TK2: variants seen among roughly 807,000 people sequenced by gnomAD.
TK2 encodes the protein thymidine kinase 2.
In TK2, 35 loss-of-function variants were observed where a neutral mutation model predicts 41.9. The observed-to-expected ratio is 0.84, with a 90% confidence interval of 0.64 to 1.11. The LOEUF (loss-of-function observed/expected upper bound fraction) is 1.11, where lower values mean the gene tolerates loss of function less well. TK2 is among the 50% of genes least tolerant of loss of function. TK2 has a pLI of 0.00. For missense variants in TK2, 320 were observed against 351.1 expected (o/e 0.91, Z 0.71); for synonymous variants, 128 against 129.1 (o/e 0.99, Z 0.06).
At chr16:66,535,586 C>G (rs1387637391) in intron 4 of TK2, among the ~76,000 whole-genome samples, 1 of 152,126 alleles carries the variant, frequency 6.6e-6, no homozygotes, top group Non-Finnish European at 1.5e-5. Flanking sequence ...ATCCTTTCAC[C>G]TGCTTTAGTT....
chr16:66,549,612 A>C (rs1373337897), intron 1 of TK2: 1 of 1,146,796 alleles, frequency 8.7e-7, no homozygotes, highest in Non-Finnish European at 1.1e-6. Flanking sequence ...GGCAGCTCCC[A>C]GTCCCCATCG....
intron 2 of TK2, 66 bp downstream of exon 2, chr16:66,548,912 C>CT (rs1192694839): frequency 6.7e-7 from 1 of 1,500,388 alleles, no homozygotes; most frequent in Non-Finnish European, 9.2e-7. Context: ...TTTTACTCTG[C>CT]TTTTTTCTCT....
At chr16:66,527,875 C>A (rs978119486) in intron 6 of TK2, among the ~76,000 whole-genome samples, 8 of 151,452 alleles carry the variant, frequency 5.3e-5, no homozygotes, top group Non-Finnish European at 8.8e-5. Flanking sequence ...ACTAAAAATA[C>A]AAAAAAAATA....
chr16:66,549,759 C>A (rs778800786), intron 1 of TK2, 179 bp downstream of exon 1: 4 of 1,278,908 alleles, frequency 3.1e-6, no homozygotes, highest in Non-Finnish European at 3.9e-6. Flanking sequence ...CCCCAGCGCT[C>A]GCTGCGGTCT....
intron 2 of TK2, chr16:66,546,487 C>T (rs1176584916): frequency 6.6e-6 from 1 of 152,136 alleles, no homozygotes; most frequent in Non-Finnish European, 1.5e-5. Flanking sequence ...CTTGTTAACC[C>T]CACATCTATC....
intron 9 of TK2, 54 bp downstream of exon 9, chr16:66,513,677 G>C: frequency 6.5e-7 from 1 of 1,545,162 alleles, no homozygotes. Flanking sequence ...GACATTCCCC[G>C]GGTCACTCCT....
At chr16:66,515,203 C>T (rs543337684) in intron 8 of TK2, among the ~76,000 whole-genome samples, 36 of 151,824 alleles carry the variant, frequency 2.4e-4, no homozygotes, top group African/African-American at 8.7e-4. Flanking sequence ...CCACACCTGG[C>T]TTCTCCCATT....
intron 2 of TK2, among the ~76,000 whole-genome samples, chr16:66,545,685 G>T (rs765079050): frequency 6.6e-6 from 1 of 152,148 alleles, no homozygotes; most frequent in Non-Finnish European, 1.5e-5. Context: ...TTAGCTGCAC[G>T]TGGTGGCACA....
chr16:66,531,057 G>A (rs1177403210), intron 5 of TK2, among the ~76,000 whole-genome samples: 1 of 152,204 alleles, frequency 6.6e-6, no homozygotes, highest in Admixed American at 6.5e-5. Context: ...TCCAGGTGAT[G>A]CTTCCGCTGC....
At chr16:66,533,170 A>C (rs1965170095) in intron 4 of TK2, among the ~76,000 whole-genome samples, 1 of 151,342 alleles carries the variant, frequency 6.6e-6, no homozygotes, top group Non-Finnish European at 1.5e-5. Flanking sequence ...TCTGGGTTCA[A>C]GCGATTCTCC....
intron 3 of TK2, among the ~76,000 whole-genome samples, chr16:66,537,684 A>G (rs1965329353): frequency 6.6e-6 from 1 of 152,232 alleles, no homozygotes; most frequent in South Asian, 2.1e-4. Context: ...CAAATCTGGG[A>G]CAACCCCAGA....
At chr16:66,542,567 T>C (rs1051420214) in intron 2 of TK2, among the ~76,000 whole-genome samples, 3 of 152,292 alleles carry the variant, frequency 2.0e-5, no homozygotes, top group African/African-American at 7.2e-5. Context: ...AAAATGAGGC[T>C]TGTAGAAGAC....
chr16:66,526,137 T>C (rs894621312), intron 6 of TK2, among the ~76,000 whole-genome samples: 1 of 152,016 alleles, frequency 6.6e-6, no homozygotes, highest in African/African-American at 2.4e-5. Flanking sequence ...CCTGGGGAAA[T>C]CTACCTAGCG....
intron 4 of TK2, among the ~76,000 whole-genome samples, chr16:66,532,612 A>T (rs964041047): frequency 1.3e-5 from 2 of 152,028 alleles, no homozygotes; most frequent in African/African-American, 2.4e-5. Flanking sequence ...CTCGAAAAAA[A>T]AAATAAATTA....
At chr16:66,549,590 G>C (rs573847987) in intron 1 of TK2, 1 of 1,107,616 alleles carries the variant, frequency 9.0e-7, no homozygotes, top group South Asian at 3.9e-5. Context: ...AGTGTGAGCA[G>C]AATCGGCTTA....
chr16:66,516,962 T>C (rs1417071075), intron 8 of TK2, among the ~76,000 whole-genome samples, 174 bp downstream of exon 8: 1 of 152,006 alleles, frequency 6.6e-6, no homozygotes, highest in Non-Finnish European at 1.5e-5. Flanking sequence ...GACATCCACG[T>C]GGGTCTCTGG....
rs1242288409 is a variant in TK2 at position 66,511,695 on chromosome 16, G to A, written c.*273C>T. On this transcript the variant is annotated 3_prime_UTR_variant, in exon 10 of 10. Transcript: ENST00000544898. Reference sequence around the variant, plus strand: ...CTCTCCCTAAGGGCTTCATGAGAGCGACTCAGCAGCACAAAGCCATGGGAG... The same window carrying A: ...CTCTCCCTAAGGGCTTCATGAGAGCAACTCAGCAGCACAAAGCCATGGGAG... 3.8e-6 allele frequency: 2 copies of A among 527,994 alleles called. No homozygotes were observed. Among genetic ancestry groups the A allele is most frequent in the African/African-American group, 1.9e-5 (1 of 52,364 alleles). The allele number at this position is 527,994 out of a possible 1,614,324, so 32.7% of individuals were successfully genotyped here. A position where few individuals can be genotyped will look rare whatever the true frequency, so the allele number is the denominator to read the frequency against.
chr16:66,548,300 G>A (rs566987529), intron 2 of TK2, among the ~76,000 whole-genome samples: 17 of 152,170 alleles, frequency 1.1e-4, no homozygotes, highest in African/African-American at 3.9e-4. Flanking sequence ...TCCCAGCCAC[G>A]GTACTCCTGC....
At position 66,517,690 on chromosome 16, in the gene TK2, G is replaced by A; in HGVS notation, c.538+99C>T. The A allele has an allele frequency of 2.7e-6, 3 of 1,102,258 alleles. No individual in the cohort carries two copies. Among genetic ancestry groups the A allele is most frequent in the South Asian group, 1.2e-5 (1 of 80,478 alleles). The allele number at this position is 1,102,258 out of a possible 1,614,324, so 68.3% of individuals were successfully genotyped here. On this transcript the variant is annotated intron_variant, in intron 7 of 9. Coordinates refer to ENST00000544898, the MANE Select transcript of TK2 (RefSeq NM_004614.5). This position sits in a 1 kb window ranked among gnomAD's most constrained non-coding sequence, Gnocchi z 4.3. ...GGGGAAGGAACTGCCAAGGGCAAGT[G>A]CCTCACCCACTGCCCCCAAGGGTTG...
Sources: allele counts gnomAD v4.1 joint callset (sites outside exome capture counted in the v4.1 genomes callset), GRCh38; gene constraint gnomAD v4.1.1; non-coding constraint Gnocchi (gnomAD v3.1); transcripts MANE v1.5; gene names NCBI Gene and HGNC (gene_info 2026-07-23, HGNC 2026-07-21).